ERAP1: variants seen among roughly 807,000 people sequenced by gnomAD.
ERAP1 encodes the protein adipocyte-derived leucine aminopeptidase.
Under a neutral mutation model 103.7 loss-of-function variants are expected in ERAP1, and 86 were observed. That is an observed-to-expected ratio of 0.83 (90% confidence interval 0.70 to 0.99). The LOEUF (loss-of-function observed/expected upper bound fraction) is 0.99, where lower values mean the gene tolerates loss of function less well. Among genes scored for constraint, ERAP1 ranks in the 50% least tolerant of loss-of-function variants. The probability of loss-of-function intolerance (pLI) is 0.00; values close to 1 mark genes in which losing one functional copy is unlikely to be tolerated. For synonymous variants in ERAP1, 398 were observed against 402.4 expected (o/e 0.99, Z 0.13); for missense variants, 1,009 against 1,128.4 (o/e 0.89, Z 1.52).
Position 96,783,984 on chromosome 5 carries a change from C to A in ERAP1, c.2040G>T (p.Leu680=). The change falls in exon 14 of 19, where the codon CTG becomes CTT. Residue 680 remains leucine (L), a synonymous_variant. Transcript: ENST00000443439. ...IMPVFQGLNE[L]IPMYKLMEKR... ...TCTCCATTAACTTATACATAGGAAT[C>A]AGCTCATTCAAACCTTGAAACACGG... 6.2e-7 allele frequency: 1 copy of A among 1,613,888 alleles called. No individual in the cohort carries two copies. Among genetic ancestry groups the A allele is most frequent in the Non-Finnish European group, 8.5e-7 (1 of 1,179,910 alleles).
At chr5:96,776,629 A>C in intron 18 of ERAP1, 78 bp from the exon 19 acceptor site, 10 of 1,566,024 alleles carry the variant, frequency 6.4e-6, no homozygotes, top group Non-Finnish European at 8.6e-6. Context: ...AACTGAAGCC[A>C]AAATTCCAGC....
the ERAP1 span, chr5:96,873,320 G>A: frequency 3.5e-5 from 16 of 456,190 alleles, no homozygotes; most frequent in Admixed American, 2.1e-4. Flanking sequence ...GCGCAACACT[G>A]ATAGGTGCTA....
At chr5:96,773,496 G>A (rs1437007632), downstream of ERAP1, 1 of 152,274 alleles carries the variant, frequency 6.6e-6, no homozygotes, top group Non-Finnish European at 1.5e-5. Context: ...AGCAGCAACT[G>A]TGTCTTTAGA....
chr5:96,850,885 T>A, the ERAP1 span, among the ~76,000 whole-genome samples: 4 of 152,210 alleles, frequency 2.6e-5, no homozygotes, highest in Admixed American at 2.0e-4. Flanking sequence ...TCTAGGCCAC[T>A]GCTTTCACAA....
the ERAP1 span, chr5:96,873,709 C>T: frequency 3.1e-6 from 1 of 325,956 alleles, no homozygotes; most frequent in Admixed American, 4.1e-5. Flanking sequence ...AAAACTAAAA[C>T]ACTGAAAATG....
chr5:96,916,651 G>T, the ERAP1 span, among the ~76,000 whole-genome samples: 3 of 151,342 alleles, frequency 2.0e-5, no homozygotes, highest in Admixed American at 6.6e-5. Context: ...TTTTTTTTTA[G>T]TAGAGATGGG....
At chr5:96,913,197 G>T in the ERAP1 span, 1 of 720,104 alleles carries the variant, frequency 1.4e-6, no homozygotes, top group Non-Finnish European at 2.2e-6. Context: ...TTAAAAAATT[G>T]GTAATTATAC....
At chr5:96,859,355 G>A in the ERAP1 span, among the ~76,000 whole-genome samples, 1 of 152,112 alleles carries the variant, frequency 6.6e-6, no homozygotes, top group Admixed American at 6.5e-5. Context: ...TTCCCAACAC[G>A]CTGTTGCTCT....
rs26481 is a variant in ERAP1 at position 96,767,648 on chromosome 5, C to T, written c.2819-4420G>A. Reference sequence around the variant, plus strand: ...GACTATTGTTTACCTCTCTTTTAGTCTTCACAAAAGCCCTTTAGGGTGGAA... The same window carrying T: ...GACTATTGTTTACCTCTCTTTTAGTTTTCACAAAAGCCCTTTAGGGTGGAA... On this transcript the variant is annotated intron_variant, in intron 19 of 19. Coordinates refer to the ERAP1 transcript ENST00000296754. 0.32 allele frequency among the ~76,000 whole-genome samples: 49,070 copies of T among 152,012 alleles called. 8,236 individuals carry two copies. The highest frequency in any genetic ancestry group is 0.38 in the Non-Finnish European group (25,702 of 67,978).
chr5:96,771,593 A>G (rs768281318), downstream of ERAP1: 2 of 1,479,414 alleles, frequency 1.4e-6, no homozygotes, highest in South Asian at 2.3e-5. Flanking sequence ...CCATCTCCTC[A>G]TACTTAATAC....
rs1228493393 is a variant in ERAP1, at chr5:96,807,927, C to G, written c.-85G>C. The G allele has an allele frequency of 1.0e-5, 10 of 985,978 alleles. No individual in the cohort carries two copies. The highest frequency in any genetic ancestry group is 1.2e-5 in the Non-Finnish European group (10 of 830,460). 61.1% of individuals were successfully genotyped at this position (985,978 alleles called of 1,614,324 possible). ...ACCACTGCCGCCGGCCTAGCTCCCC[C>G]AGGACCGAAAGTGAAAGTGGAGCCC... On this transcript the variant is annotated 5_prime_UTR_variant, in exon 1 of 19. Transcript: ENST00000443439.
intron 13 of ERAP1, chr5:96,784,885 AAAG>A (rs1336789445): frequency 2.0e-5 from 3 of 152,218 alleles, no homozygotes; most frequent in African/African-American, 4.8e-5. Context: ...AAAAAATAAA[AAAG>A]AAGAAGCCCT....
Position 96,763,136 on chromosome 5 carries a change from T to C in ERAP1, c.*64A>G, listed in dbSNP as rs140278643. On this transcript the variant is annotated 3_prime_UTR_variant, in exon 20 of 20. Coordinates refer to the ERAP1 transcript ENST00000296754. ...TAACTTTAGCGAAGTCAGCTATGCT[T>C]CCATTCCGTTTGATGTAGCATCAAA... The C allele has an allele frequency of 4.4e-4, 347 of 780,138 alleles. 2 individuals carry two copies. The African/African-American group carries it at 5.3e-3, about 12-fold the overall frequency. 48.3% of individuals were successfully genotyped at this position (780,138 alleles called of 1,614,324 possible). A position where few individuals can be genotyped will look rare whatever the true frequency, so the allele number is the denominator to read the frequency against.
intron 15 of ERAP1, 149 bp downstream of exon 15, chr5:96,782,902 G>T (rs1775421942): frequency 1.0e-5 from 8 of 777,648 alleles, no homozygotes; most frequent in Non-Finnish European, 1.7e-5. Flanking sequence ...GAGATACATA[G>T]ATAAATCTTA....
chr5:96,831,421 C>G, the ERAP1 span, among the ~76,000 whole-genome samples: 1 of 152,186 alleles, frequency 6.6e-6, no homozygotes, highest in Admixed American at 6.5e-5. Flanking sequence ...ATATCACTGG[C>G]AAATACTGTA....
chr5:96,803,329 G>T, intron 2 of ERAP1, 74 bp downstream of exon 2: 1 of 1,464,786 alleles, frequency 6.8e-7, no homozygotes, highest in Non-Finnish European at 9.4e-7. Context: ...AATTTTAAAA[G>T]ACAATCAATC....
the ERAP1 span, among the ~76,000 whole-genome samples, chr5:96,888,256 C>A: frequency 6.6e-6 from 1 of 152,132 alleles, no homozygotes; most frequent in African/African-American, 2.4e-5. Flanking sequence ...CACACATACA[C>A]ATCATGGCAC....
chr5:96,913,433 A>G, the ERAP1 span: 1 of 1,614,126 alleles, frequency 6.2e-7, no homozygotes, highest in Non-Finnish European at 8.5e-7. Flanking sequence ...TTTGTAAGAG[A>G]AAATTGGACC....
At chr5:96,916,889 T>C in the ERAP1 span, among the ~76,000 whole-genome samples, 2 of 152,140 alleles carry the variant, frequency 1.3e-5, no homozygotes, top group African/African-American at 4.8e-5. Flanking sequence ...ATTTACTCTA[T>C]GACTTGGGTA....
Sources: gnomAD v4.1 joint callset for allele counts (sites outside exome capture counted in the v4.1 genomes callset) on GRCh38, gnomAD v4.1.1 for gene constraint, MANE v1.5 for transcripts, NCBI Gene and HGNC (gene_info 2026-07-23, HGNC 2026-07-21) for gene names.